Variants in RCN2 observed in about 807,000 individuals in gnomAD.
RCN2 encodes reticulocalbin 2.
Under a neutral mutation model 37.5 loss-of-function variants are expected in RCN2, and 23 were observed. The observed-to-expected ratio is 0.61, with a 90% CI of 0.44 to 0.87. The LOEUF (loss-of-function observed/expected upper bound fraction) is 0.87. Among genes scored for constraint, RCN2 ranks in the 40% least tolerant of loss-of-function variants. The pLI is 0.00. For missense variants in RCN2, 381 were observed against 390.4 expected (o/e 0.98, Z 0.20); for synonymous variants, 140 against 144.6 (o/e 0.97, Z 0.23).
intron 1 of RCN2, 101 bp downstream of exon 1, chr15:76,932,086 G>C: frequency 8.6e-7 from 1 of 1,160,186 alleles, no homozygotes; most frequent in Non-Finnish European, 1.1e-6. Flanking sequence ...AGGCCTGGCA[G>C]GGGCGGCCTG....
At chr15:76,939,272 AAAT>A (rs2075267454) in intron 3 of RCN2, among the ~76,000 whole-genome samples, 2 of 128,348 alleles carry the variant, frequency 1.6e-5, no homozygotes, top group African/African-American at 5.5e-5. Flanking sequence ...ATAAATAAAT[AAAT>A]AAAAATTTCC....
chr15:76,947,372 C>T (rs2075300636), intron 4 of RCN2, 49 bp from the exon 5 acceptor site: 1 of 1,195,316 alleles, frequency 8.4e-7, no homozygotes, highest in African/African-American at 1.5e-5. Flanking sequence ...GGCAGTGGGA[C>T]TGAACATTTT....
In RCN2 at chr15:76,943,871, G is replaced by A. The variant is rs780321268; in HGVS notation, c.561G>A (p.Thr187=). 11 of 1,521,598 alleles carry A rather than the reference G, an allele frequency of 7.2e-6. No homozygotes were observed. The highest frequency in any genetic ancestry group is 2.3e-5 in the East Asian group (1 of 44,250). The allele number at this position is 1,521,598 out of a possible 1,614,324, so 94.3% of individuals were successfully genotyped here. A position where few individuals can be genotyped will look rare whatever the true frequency, so the allele number is the denominator to read the frequency against. ...ATCCTGAAGAAGTTGATTATATGAC[G>A]GTAAGAAAGAAACATTTTTAAGAGA... is the stretch of plus-strand genomic sequence containing the variant. ...FEHPEEVDYM[T]EFVIQEALEE... The change falls in exon 4 of 7, where the codon ACG becomes ACA. Residue 187 remains threonine, a splice_region_variant and synonymous_variant. Transcript: ENST00000394885.
At chr15:76,945,682 G>A (rs2075294013) in intron 4 of RCN2, among the ~76,000 whole-genome samples, 2 of 152,170 alleles carry the variant, frequency 1.3e-5, no homozygotes, top group Admixed American at 1.3e-4. Context: ...ACGTGGCTTG[G>A]TTCCCTGGAT....
chr15:76,939,231 AAAATAAATAAATAAATAAATAAAT>A (rs147122407), intron 3 of RCN2, among the ~76,000 whole-genome samples: 10 of 144,634 alleles, frequency 6.9e-5, no homozygotes, highest in East Asian at 2.0e-4. Flanking sequence ...CTCATTTCTA[AAAATAAATAAATAAATAAATAAAT>A]AAATAAATAA....
intron 2 of RCN2, among the ~76,000 whole-genome samples, chr15:76,934,874 T>G (rs2075240065): frequency 6.6e-6 from 1 of 152,114 alleles, no homozygotes; most frequent in Non-Finnish European, 1.5e-5. Flanking sequence ...TTGGATAACA[T>G]TTTTTTTAAA....
In RCN2 at chr15:76,953,652, G is replaced by T. The variant is rs1360906372; in HGVS notation, c.*4430G>T. The T allele has an allele frequency of 1.7e-5, 2 of 116,218 alleles. No homozygotes were observed. The highest frequency in any genetic ancestry group is 6.7e-5 in the African/African-American group (2 of 30,004). The allele number at this position is 116,218 out of a possible 1,614,324, so 7.2% of individuals were successfully genotyped here. ...AGACGGAGTCTCGCTCTGTCGCCCAGGCTGGAGTGCAGTGGCGCGATCTCG... is the reference window on the plus strand; with the variant it reads ...AGACGGAGTCTCGCTCTGTCGCCCATGCTGGAGTGCAGTGGCGCGATCTCG... On this transcript the variant is annotated 3_prime_UTR_variant, in exon 7 of 7. Transcript: ENST00000394885.
At position 76,947,471 on chromosome 15, in the gene RCN2, A is replaced by G; in HGVS notation, c.612A>G (p.Gly204=). The change falls in exon 5 of 7, where the codon GGA becomes GGG. Residue 204 remains glycine (G), a synonymous_variant. Coordinates refer to ENST00000394885, the MANE Select transcript of RCN2 (RefSeq NM_002902.3). ...AAGAACATGACAAAAATGGTGATGG[A>G]TTTGTTAGTTTGGAAGAATTTCTTG... is the stretch of plus-strand genomic sequence containing the variant. ...ALEEHDKNGD[G]FVSLEEFLGD... 6.2e-7 allele frequency: 1 copy of G among 1,610,276 alleles called. No individual in the cohort carries two copies. Among genetic ancestry groups the G allele is most frequent in the Non-Finnish European group, 8.5e-7 (1 of 1,178,360 alleles).
At position 76,940,301 on chromosome 15, in the gene RCN2, TA is replaced by T. The variant is rs529669490; in HGVS notation, c.448-3445del. Among the ~76,000 whole-genome samples the T allele has an allele frequency of 5.8e-3, 840 of 144,388 alleles. 7 individuals carry two copies. The highest frequency in any genetic ancestry group is 0.018 in the African/African-American group (714 of 39,658). 94.7% of individuals were successfully genotyped at this position (144,388 alleles called of 152,430 possible). Reference sequence around the variant, plus strand: ...ACAACATAGTGAAACCTTGTCCCTTTAAAAAAAAAAAATAACGTCCTAAAAA... The same window carrying T: ...ACAACATAGTGAAACCTTGTCCCTTTAAAAAAAAAAATAACGTCCTAAAAA... On this transcript the variant is annotated intron_variant, in intron 3 of 6. Transcript: ENST00000394885.
rs1299633871 is a variant in RCN2 at position 76,950,110 on chromosome 15, A to G, written c.*888A>G. On this transcript the variant is annotated 3_prime_UTR_variant, in exon 7 of 7. Coordinates refer to ENST00000394885, the MANE Select transcript of RCN2 (RefSeq NM_002902.3). ...TTGAATGTGCACCTGACACATTTTA[A>G]TAATTGGTGTTGTAGCAAATGTGGT... 1 of 152,112 alleles carries G rather than the reference A, an allele frequency of 6.6e-6. No individual in the cohort carries two copies. Among genetic ancestry groups the G allele is most frequent in the African/African-American group, 2.4e-5 (1 of 41,400 alleles). The allele number at this position is 152,112 out of a possible 1,614,324, so 9.4% of individuals were successfully genotyped here.
intron 5 of RCN2, chr15:76,948,104 A>G (rs1161999747): frequency 4.8e-6 from 1 of 207,138 alleles, no homozygotes; most frequent in East Asian, 1.1e-4. Flanking sequence ...AACATGATAT[A>G]CAGTAAAACA....
In RCN2 at chr15:76,937,195, T is replaced by C. The variant is rs74353557; in HGVS notation, c.447+1473T>C. On this transcript the variant is annotated intron_variant, in intron 3 of 6. Coordinates refer to ENST00000394885, the MANE Select transcript of RCN2 (RefSeq NM_002902.3). Reference sequence around the variant, plus strand: ...TCCAAAATCAAAATGCTCTTAAATATGAAACTTTTGGAGCACTGACACGAC... The same window carrying C: ...TCCAAAATCAAAATGCTCTTAAATACGAAACTTTTGGAGCACTGACACGAC... Among the ~76,000 whole-genome samples the C allele has an allele frequency of 9.2e-4, 140 of 152,250 alleles. 1 individual carries two copies. In the East Asian group the frequency reaches 0.017, roughly 18 times the overall value.
rs1295592650 is a variant in RCN2 at position 76,953,270 on chromosome 15, A to G, written c.*4048A>G. ...TGTGTCTATTAAAATAGACTCATAT[A>G]GTATTTGTCTTTTTGTGAGTGGCTT... On this transcript the variant is annotated 3_prime_UTR_variant, in exon 7 of 7. Coordinates refer to ENST00000394885, the MANE Select transcript of RCN2 (RefSeq NM_002902.3). 2 of 152,002 alleles carry G rather than the reference A, an allele frequency of 1.3e-5. No individual in the cohort carries two copies. The highest frequency in any genetic ancestry group is 2.9e-5 in the Non-Finnish European group (2 of 68,002). 9.4% of individuals were successfully genotyped at this position (152,002 alleles called of 1,614,324 possible). A position where few individuals can be genotyped will look rare whatever the true frequency, so the allele number is the denominator to read the frequency against.
At chr15:76,938,474 C>T (rs1401490784) in intron 3 of RCN2, among the ~76,000 whole-genome samples, 2 of 152,108 alleles carry the variant, frequency 1.3e-5, no homozygotes. Context: ...GAGTGCATAA[C>T]AAATTTACTA....
Position 76,950,283 on chromosome 15 carries a change from TCAG to T in RCN2, c.*1065_*1067del, listed in dbSNP as rs1480797412. 2.9e-5 allele frequency: 4 copies of T among 138,538 alleles called. No homozygotes were observed. The highest frequency in any genetic ancestry group is 7.3e-5 in the Admixed American group (1 of 13,648). 8.6% of individuals were successfully genotyped at this position (138,538 alleles called of 1,614,324 possible). ...GCATGATAATCAATTTTAACCTAAT[TCAG>T]CAGGTCAACTTATTTAACTTTGGTG... On this transcript the variant is annotated 3_prime_UTR_variant, in exon 7 of 7. Coordinates refer to ENST00000394885, the MANE Select transcript of RCN2 (RefSeq NM_002902.3).
chr15:76,931,955 C>A lies in RCN2; in HGVS notation c.114C>A (p.Asp38Glu). The stretch of plus-strand genomic sequence containing the variant: ...ACCCGCTGGGCGAGCGCCGCAGCGA[C>A]TACGACCGCGAGGCGCTGCTGGGCG... ...LHYPLGERRS[D>E]YDREALLGVQ... Residue 38 changes from aspartate (D) to glutamate (E), a missense_variant, in exon 1 of 7, where the codon GAC (aspartate) becomes GAA (glutamate). Physicochemically the swap from Asp to Glu is conservative, Grantham distance 45. Coordinates refer to ENST00000394885, the MANE Select transcript of RCN2 (RefSeq NM_002902.3). 1 of 1,279,918 alleles carries A rather than the reference C, an allele frequency of 7.8e-7. No homozygotes were observed. Among genetic ancestry groups the A allele is most frequent in the Non-Finnish European group, 9.8e-7 (1 of 1,018,546 alleles). 79.3% of individuals were successfully genotyped at this position (1,279,918 alleles called of 1,614,324 possible).
At chr15:76,943,531 A>G in intron 3 of RCN2, 1 of 381,128 alleles carries the variant, frequency 2.6e-6, no homozygotes, top group Non-Finnish European at 4.8e-6. Context: ...CTGACACCAC[A>G]GCTAGTAAGT....
At chr15:76,947,307 C>A (rs1243885455) in intron 4 of RCN2, 114 bp from the exon 5 acceptor site, 1 of 644,696 alleles carries the variant, frequency 1.6e-6, no homozygotes, top group Non-Finnish European at 2.6e-6. Context: ...ACCACTAGAG[C>A]TCCAAAAATT....
At chr15:76,932,112 C>T in intron 1 of RCN2, 127 bp downstream of exon 1, 1 of 933,392 alleles carries the variant, frequency 1.1e-6, no homozygotes, top group Non-Finnish European at 1.4e-6. Flanking sequence ...GGGGGCCGGG[C>T]GGCGCGGCAC....
Sources: gnomAD v4.1 joint callset for allele counts (sites outside exome capture counted in the v4.1 genomes callset) on GRCh38, gnomAD v4.1.1 for gene constraint, MANE v1.5 for transcripts, NCBI Gene and HGNC (gene_info 2026-07-23, HGNC 2026-07-21) for gene names.